The following MGAM variants were observed in gnomAD, a reference collection of about 807,000 sequenced individuals.
The protein encoded by MGAM is maltase-glucoamylase.
MGAM carries 253 observed loss-of-function variants against 358.8 expected under a neutral mutation model. The ratio of observed to expected loss-of-function variants is 0.71; its 90% CI spans 0.64 to 0.78. The LOEUF (loss-of-function observed/expected upper bound fraction) is 0.78. Among genes scored for constraint, MGAM ranks in the 30% least tolerant of loss-of-function variants. The pLI, the probability that MGAM is intolerant of heterozygous loss-of-function variation, is 0.00. For synonymous variants in MGAM, 1,105 were observed against 1,227.1 expected (o/e 0.90, Z 2.08); for missense variants, 3,080 against 3,432.6 (o/e 0.90, Z 2.57).
intron 21 of MGAM, among the ~76,000 whole-genome samples, chr7:142,044,377 A>G (rs1357229644): frequency 8.1e-6 from 1 of 123,866 alleles, no homozygotes; most frequent in African/African-American, 2.7e-5. Context: ...ATATATAATG[A>G]ATATTATATA....
intron 16 of MGAM, among the ~76,000 whole-genome samples, chr7:142,035,910 A>G (rs1023188487): frequency 2.6e-5 from 4 of 152,166 alleles, no homozygotes; most frequent in African/African-American, 9.7e-5. Context: ...TTATTACCTC[A>G]TTCATTTACG....
chr7:142,076,902 C>T, intron 47 of MGAM, 76 bp downstream of exon 47: 1 of 1,450,604 alleles, frequency 6.9e-7, no homozygotes, highest in Admixed American at 1.8e-5. Flanking sequence ...GCCAAGTTTG[C>T]ATGGGTCCCT....
chr7:142,030,902 C>T, intron 12 of MGAM, 145 bp downstream of exon 12: 1 of 641,796 alleles, frequency 1.6e-6, no homozygotes, highest in Non-Finnish European at 2.7e-6. Flanking sequence ...AAATTCTCCT[C>T]TGCCCTTTCA....
intron 7 of MGAM, among the ~76,000 whole-genome samples, 157 bp downstream of exon 7, chr7:142,022,596 G>C (rs562232152): frequency 6.6e-6 from 1 of 152,114 alleles, no homozygotes; most frequent in Non-Finnish European, 1.5e-5. Flanking sequence ...CGTGGTTCTG[G>C]GTGTTACCTA....
intron 10 of MGAM, among the ~76,000 whole-genome samples, chr7:142,029,626 G>A (rs1554462543): frequency 6.6e-6 from 1 of 152,170 alleles, no homozygotes; most frequent in Admixed American, 6.5e-5. Context: ...CAGTATACAT[G>A]TCAAAATCTG....
Position 142,008,564 on chromosome 7 carries a change from T to C in MGAM, c.186T>C (p.Pro62=). ...CTGGGACAACTGGTACCCCAGATCC[T>C]GGAACAACTGGTACCACACATGCTA... ...PDPGTTGTPD[P]GTTGTTHART... is the part of the protein sequence containing the mutation. The change falls in exon 3 of 71, where the codon CCT becomes CCC. Residue 62 remains proline (P), a synonymous_variant. Transcript: ENST00000475668. The C allele has an allele frequency of 1.9e-6, 3 of 1,612,824 alleles. No individual in the cohort carries two copies. Among genetic ancestry groups the C allele is most frequent in the Non-Finnish European group, 2.5e-6 (3 of 1,179,276 alleles).
intron 17 of MGAM, 120 bp from the exon 18 acceptor site, chr7:142,036,703 C>T (rs1449830511): frequency 4.5e-6 from 5 of 1,121,786 alleles, no homozygotes; most frequent in South Asian, 3.0e-5. Context: ...AGGTTTGCAA[C>T]CTTGGCCTCT....
chr7:142,045,096 T>C (rs1170562811), intron 21 of MGAM, among the ~76,000 whole-genome samples: 1 of 91,302 alleles, frequency 1.1e-5, no homozygotes, highest in Non-Finnish European at 2.0e-5. Flanking sequence ...ATATAATATG[T>C]ATATTATATA....
At chr7:142,020,238 G>A (rs1366214128) in intron 4 of MGAM, among the ~76,000 whole-genome samples, 7 of 152,072 alleles carry the variant, frequency 4.6e-5, no homozygotes, top group Non-Finnish European at 7.4e-5. Flanking sequence ...CTCTCACCTG[G>A]TTTACCATTT....
Position 142,067,992 on chromosome 7 carries a change from T to A in MGAM, c.5004+567T>A, listed in dbSNP as rs1343564568. On this transcript the variant is annotated intron_variant, in intron 42 of 70. Coordinates refer to ENST00000475668, the MANE Select transcript of MGAM (RefSeq NM_001365693.1). ...TATATATATATATATATATATTTTT[T>A]TTTTTTTTTTTTTGAGACAGAGTCT... 3.1e-4 allele frequency among the ~76,000 whole-genome samples: 9 copies of A among 29,402 alleles called. 2 individuals are homozygous for A. The highest frequency in any genetic ancestry group is 6.2e-4 in the African/African-American group (9 of 14,502). 19.3% of individuals were successfully genotyped at this position (29,402 alleles called of 152,430 possible).
chr7:142,025,654 A>C (rs1806898973), intron 8 of MGAM, among the ~76,000 whole-genome samples: 1 of 152,212 alleles, frequency 6.6e-6, no homozygotes, highest in Admixed American at 6.5e-5. Context: ...AGACTGTTTC[A>C]GGTCTATAGT....
chr7:142,031,525 AGTATT>A (rs1807490796), intron 12 of MGAM, among the ~76,000 whole-genome samples, 150 bp from the exon 13 acceptor site: 3 of 152,178 alleles, frequency 2.0e-5, no homozygotes, highest in African/African-American at 7.2e-5. Context: ...ATTTATTTTA[AGTATT>A]GTGAGCACCG....
chr7:142,047,263 ATT>A (rs1409946470), intron 21 of MGAM, among the ~76,000 whole-genome samples: 1 of 152,176 alleles, frequency 6.6e-6, no homozygotes, highest in African/African-American at 2.4e-5. Flanking sequence ...GATTAGAATG[ATT>A]TGTTTTTCTT....
At chr7:142,043,918 A>T (rs1440100932) in intron 21 of MGAM, among the ~76,000 whole-genome samples, 13 of 123,682 alleles carry the variant, frequency 1.1e-4, no homozygotes, top group South Asian at 7.0e-4. Flanking sequence ...ACGACGTATA[A>T]TATATACATT....
At chr7:142,003,923 C>CA (rs1490180712) in intron 1 of MGAM, among the ~76,000 whole-genome samples, 1 of 151,394 alleles carries the variant, frequency 6.6e-6, no homozygotes, top group Non-Finnish European at 1.5e-5. Flanking sequence ...TACAAGTGGC[C>CA]AAAAAACATG....
intron 1 of MGAM, among the ~76,000 whole-genome samples, chr7:141,996,320 T>TG (rs1448025475): frequency 6.6e-6 from 1 of 150,948 alleles, no homozygotes; most frequent in Non-Finnish European, 1.5e-5. Context: ...AAAAAAGCCC[T>TG]TGTTAATTTG....
intron 5 of MGAM, 98 bp from the exon 6 acceptor site, chr7:142,021,488 G>C: frequency 8.1e-7 from 1 of 1,240,072 alleles, no homozygotes; most frequent in Non-Finnish European, 1.1e-6. Flanking sequence ...TATGAGGTCA[G>C]TTTGATCAGT....
intron 42 of MGAM, among the ~76,000 whole-genome samples, chr7:142,067,986 A>ATATTTTTTTTTT (rs1236775159): frequency 1.2e-4 from 1 of 8,688 alleles, no homozygotes. Flanking sequence ...ATATATATAT[A>ATATTTTTTTTTT]TTTTTTTTTT....
chr7:142,079,061 T>G, intron 49 of MGAM, 53 bp downstream of exon 49: 1 of 1,421,808 alleles, frequency 7.0e-7, no homozygotes, highest in Middle Eastern at 1.7e-4. Context: ...AGTTCCATTA[T>G]CTTTTTCTGG....
Sources: allele counts gnomAD v4.1 joint callset (sites outside exome capture counted in the v4.1 genomes callset), GRCh38; gene constraint gnomAD v4.1.1; transcripts MANE v1.5; gene names NCBI Gene and HGNC (gene_info 2026-07-23, HGNC 2026-07-21).